Variants in MACF1 observed in about 807,000 individuals in gnomAD.
MACF1 encodes the protein microtubule-actin cross-linking factor 1.
A neutral mutation model predicts 854.8 loss-of-function variants in MACF1; 193 were observed. That is an observed-to-expected ratio of 0.23 (90% confidence interval 0.20 to 0.25). The LOEUF is 0.25. Among genes scored for constraint, MACF1 ranks in the 10% least tolerant of loss-of-function variants. The pLI is 1.00. For missense variants in MACF1, 7,722 were observed against 8,929.1 expected, an observed-to-expected ratio of 0.86 and a Z score of 5.45; for synonymous variants, 3,185 against 3,226.7, an observed-to-expected ratio of 0.99 and a Z score of 0.44.
chr1:39,485,162 TCTTC>T, intron 100 of MACF1: 1 of 302,002 alleles, frequency 3.3e-6, no homozygotes, highest in Non-Finnish European at 6.2e-6. Flanking sequence ...AACCTAGGAA[TCTTC>T]CTTCATTTCC....
chr1:39,245,480 T>C (rs1644972601), intron 2 of MACF1, among the ~76,000 whole-genome samples: 1 of 152,174 alleles, frequency 6.6e-6, no homozygotes, highest in South Asian at 2.1e-4. Flanking sequence ...GGTTTTGTCA[T>C]GTTGGCCAGG....
intron 6 of MACF1, chr1:39,268,994 A>G (rs1645270670): frequency 7.8e-7 from 1 of 1,287,324 alleles, no homozygotes; most frequent in African/African-American, 1.5e-5. Context: ...ACTCACGGGT[A>G]GTCGATCGGG....
rs1335735730 is a variant in MACF1 at position 39,084,476 on chromosome 1, G to A, written c.220+38G>A. The A allele has an allele frequency of 1.3e-6, 2 of 1,565,806 alleles. No individual in the cohort carries two copies. The highest frequency in any genetic ancestry group is 1.7e-6 in the Non-Finnish European group (2 of 1,156,532). On this transcript the variant is annotated intron_variant, in intron 2 of 93. Transcript: ENST00000361689. This position sits in a 1 kb window ranked among gnomAD's most constrained non-coding sequence, Gnocchi z 5.2. ...CCCCAGCAGGCTGGACGCTGTGGGTGTGAGGGAGGAATGGGCCAGGGCACA... is the reference window on the plus strand; with the variant it reads ...CCCCAGCAGGCTGGACGCTGTGGGTATGAGGGAGGAATGGGCCAGGGCACA...
At chr1:39,282,808 G>A (rs1645573054) in intron 7 of MACF1, among the ~76,000 whole-genome samples, 1 of 152,180 alleles carries the variant, frequency 6.6e-6, no homozygotes, top group African/African-American at 2.4e-5. Context: ...CAAAGGGCCT[G>A]GAGTGAGGGC....
intron 14 of MACF1, 37 bp downstream of exon 14, chr1:39,285,795 C>T (rs1645630800): frequency 7.5e-6 from 12 of 1,607,500 alleles, no homozygotes; most frequent in Non-Finnish European, 9.4e-6. Context: ...GGCTTGCTTG[C>T]TTACTGCTGA....
Position 39,349,507 on chromosome 1 carries a change from C to A in MACF1, c.10845C>A (p.His3615Gln), listed in dbSNP as rs753554677. The part of the protein sequence containing the change: ...KTLQKQQNTC[H>Q]QQLEDLCSWV... Reference sequence around the variant, plus strand: ...TGCAGAAACAACAAAATACCTGTCACCAGCAACTGGAGGATCTTTGCAGTT... The same window carrying A: ...TGCAGAAACAACAAAATACCTGTCAACAGCAACTGGAGGATCTTTGCAGTT... The change falls in exon 42 of 101, where the codon CAC (histidine) becomes CAA (glutamine). Residue 3615 changes from histidine to glutamine, a missense_variant. Coordinates refer to ENST00000564288, the MANE Select transcript of MACF1 (RefSeq NM_001394062.1). 6 of 1,613,966 alleles carry A rather than the reference C, an allele frequency of 3.7e-6. No homozygotes were observed. The East Asian group carries it at 6.7e-5, about 18-fold the overall frequency.
chr1:39,337,849 A>G (rs1441950261), intron 38 of MACF1, among the ~76,000 whole-genome samples: 1 of 150,874 alleles, frequency 6.6e-6, no homozygotes, highest in Non-Finnish European at 1.5e-5. Flanking sequence ...GGCTCACTGC[A>G]AGCTCTGCCT....
At chr1:39,122,255 C>G (rs969484174) in intron 2 of MACF1, among the ~76,000 whole-genome samples, 1 of 135,908 alleles carries the variant, frequency 7.4e-6, no homozygotes, top group Non-Finnish European at 1.6e-5. Context: ...TGGTAATATT[C>G]TTTTTTTTTT....
intron 58 of MACF1, among the ~76,000 whole-genome samples, chr1:39,417,169 T>C (rs1643346813): frequency 6.6e-6 from 1 of 152,196 alleles, no homozygotes; most frequent in Admixed American, 6.5e-5. Flanking sequence ...ATGGTTAAAA[T>C]AGATATAAAC....
At chr1:39,478,973 A>T (rs1644483265) in intron 97 of MACF1, among the ~76,000 whole-genome samples, 2 of 152,182 alleles carry the variant, frequency 1.3e-5, no homozygotes, top group Non-Finnish European at 2.9e-5. Flanking sequence ...ATGTCTTTTA[A>T]ATTAGTAGCA....
At chr1:39,477,059 A>G (rs1264256834) in intron 97 of MACF1, among the ~76,000 whole-genome samples, 1 of 20,822 alleles carries the variant, frequency 4.8e-5, no homozygotes, top group Non-Finnish European at 7.9e-5. Context: ...ATATATATAT[A>G]TATATATATA....
At chr1:39,438,465 T>C (rs996139206) in intron 71 of MACF1, among the ~76,000 whole-genome samples, 1 of 152,210 alleles carries the variant, frequency 6.6e-6, no homozygotes, top group African/African-American at 2.4e-5. Flanking sequence ...GGGATACCAA[T>C]GTAAGAGGAA....
chr1:39,470,627 C>T (rs1039128606), intron 97 of MACF1, among the ~76,000 whole-genome samples: 2 of 152,128 alleles, frequency 1.3e-5, no homozygotes, highest in African/African-American at 4.8e-5. Context: ...GCCTGGGCAA[C>T]AAGGCAAGAC....
At chr1:39,443,727 A>G (rs997743778) in intron 79 of MACF1, among the ~76,000 whole-genome samples, 153 bp downstream of exon 79, 7 of 152,232 alleles carry the variant, frequency 4.6e-5, no homozygotes. Flanking sequence ...GCTGCCTGTT[A>G]CAGGCTTCTA....
chr1:39,193,744 T>C (rs1436889933), intron 2 of MACF1, among the ~76,000 whole-genome samples: 1 of 152,164 alleles, frequency 6.6e-6, no homozygotes, highest in Non-Finnish European at 1.5e-5. Context: ...AATTTGAATA[T>C]AGGTTTGGCT....
At chr1:39,267,186 C>T (rs1223150380) in intron 6 of MACF1, among the ~76,000 whole-genome samples, 1 of 152,220 alleles carries the variant, frequency 6.6e-6, no homozygotes, top group Admixed American at 6.5e-5. Flanking sequence ...TTGTCACTTA[C>T]TAGCTGTGTA....
intron 6 of MACF1, among the ~76,000 whole-genome samples, chr1:39,279,138 C>T (rs778007451): frequency 1.3e-5 from 2 of 152,102 alleles, no homozygotes; most frequent in African/African-American, 2.4e-5. Flanking sequence ...TAGCTGGCAT[C>T]ATCAAAGTAG....
intron 26 of MACF1, among the ~76,000 whole-genome samples, chr1:39,312,875 C>T (rs570644871): frequency 6.6e-6 from 1 of 152,128 alleles, no homozygotes; most frequent in Non-Finnish European, 1.5e-5. Flanking sequence ...GCTATCCAAG[C>T]TCACGCCTCA....
At chr1:39,280,752 A>G (rs947939511) in intron 6 of MACF1, among the ~76,000 whole-genome samples, 2 of 151,774 alleles carry the variant, frequency 1.3e-5, no homozygotes, top group Non-Finnish European at 2.9e-5. Context: ...TAATTTTTAT[A>G]TTTTTAGTAG....
Sources: allele counts gnomAD v4.1 joint callset (sites outside exome capture counted in the v4.1 genomes callset), GRCh38; gene constraint gnomAD v4.1.1; non-coding constraint Gnocchi (gnomAD v3.1); transcripts MANE v1.5; gene names NCBI Gene and HGNC (gene_info 2026-07-23, HGNC 2026-07-21).